Variants in MYO16 observed in about 807,000 individuals in gnomAD.
MYO16 encodes the protein myosin XVI, also known as unconventional myosin-XVI.
A neutral mutation model predicts 205.3 loss-of-function variants in MYO16; 94 were observed. The ratio of observed to expected loss-of-function variants is 0.46; its 90% CI spans 0.39 to 0.54. MYO16 has a LOEUF of 0.54. Among genes scored for constraint, MYO16 ranks in the 20% least tolerant of loss-of-function variants. The pLI, the probability that MYO16 is intolerant of heterozygous loss-of-function variation, is 0.00. For missense variants in MYO16, 2,315 were observed against 2,387.5 expected (o/e 0.97, Z 0.63); for synonymous variants, 988 against 954.0 (o/e 1.04, Z -0.66).
intron 20 of MYO16, among the ~76,000 whole-genome samples, chr13:108,974,801 G>A (rs1022446014): frequency 4.6e-5 from 7 of 152,134 alleles, no homozygotes; most frequent in African/African-American, 1.4e-4. Context: ...CTCTAAGAGA[G>A]TATTTCTCAA....
chr13:109,121,325 G>A (rs1387521959), intron 29 of MYO16, among the ~76,000 whole-genome samples: 2 of 152,152 alleles, frequency 1.3e-5, no homozygotes, highest in Non-Finnish European at 2.9e-5. Context: ...TTCTGATGAA[G>A]GTAAAAAGTC....
intron 27 of MYO16, among the ~76,000 whole-genome samples, chr13:109,093,066 G>A (rs944633545): frequency 1.3e-5 from 2 of 152,126 alleles, no homozygotes; most frequent in East Asian, 1.9e-4. Context: ...GTATGGAAGC[G>A]TGTTTTTATG....
chr13:108,843,094 G>C (rs1877331695), intron 9 of MYO16, among the ~76,000 whole-genome samples: 1 of 151,750 alleles, frequency 6.6e-6, no homozygotes, highest in Non-Finnish European at 1.5e-5. Context: ...CCAGTTATTG[G>C]AGAGTGGGAG....
chr13:108,796,390 C>T (rs1886789545), intron 6 of MYO16, among the ~76,000 whole-genome samples: 1 of 152,074 alleles, frequency 6.6e-6, no homozygotes, highest in Admixed American at 6.6e-5. Flanking sequence ...CTAGAAATAC[C>T]ATTTGACCCA....
Position 108,793,528 on chromosome 13 carries a change from C to T in MYO16, c.629C>T (p.Thr210Ile). The T allele has an allele frequency of 6.2e-7, 1 of 1,613,750 alleles. No homozygotes were observed. The highest frequency in any genetic ancestry group is 1.1e-5 in the South Asian group (1 of 91,054). The change falls in exon 6 of 35, where the codon ACC becomes ATC. Residue 210 changes from threonine to isoleucine, a missense_variant. By Grantham distance (89) the Thr-to-Ile change is moderately conservative. Around this residue, in one of 3 missense-constraint regions of MYO16, gnomAD observed 1,213 missense variants for 1,274.4 expected, o/e 0.95. Coordinates refer to ENST00000457511, the MANE Select transcript of MYO16 (RefSeq NM_001198950.3). ...TYLDENGVDL[T>I]SLRQMKLQRP... ...TTTCTCCCCACAGGAGTGGATTTGA[C>T]CTCACTGCGCCAGATGAAGCTTCAG...
the MYO16 span, among the ~76,000 whole-genome samples, chr13:108,544,489 G>A: frequency 1.3e-5 from 2 of 152,064 alleles, no homozygotes; most frequent in Non-Finnish European, 2.9e-5. Context: ...TGGAAGTGGG[G>A]TATTCATCCC....
chr13:108,619,887 A>G (rs970070185), intron 1 of MYO16, among the ~76,000 whole-genome samples: 2 of 152,138 alleles, frequency 1.3e-5, no homozygotes, highest in Admixed American at 6.6e-5. Flanking sequence ...AAAATGTGAC[A>G]GACAGAAGAA....
chr13:109,122,860 T>C (rs1876058245), intron 29 of MYO16, among the ~76,000 whole-genome samples: 1 of 152,182 alleles, frequency 6.6e-6, no homozygotes, highest in Non-Finnish European at 1.5e-5. Context: ...CTCAATGCTT[T>C]TTGCTAATAT....
At chr13:108,900,440 C>T (rs575584074) in intron 15 of MYO16, among the ~76,000 whole-genome samples, 6 of 152,096 alleles carry the variant, frequency 3.9e-5, no homozygotes, top group Non-Finnish European at 7.4e-5. Context: ...GGACCCCGAA[C>T]GGAGGGACCA....
the MYO16 span, among the ~76,000 whole-genome samples, chr13:108,538,028 C>CTG: frequency 8.6e-5 from 13 of 151,994 alleles, no homozygotes; most frequent in Admixed American, 6.6e-4. Flanking sequence ...GCCCATTTGT[C>CTG]TATTTTTGTT....
chr13:108,755,570 A>C (rs914976044), intron 4 of MYO16, among the ~76,000 whole-genome samples: 8 of 150,716 alleles, frequency 5.3e-5, no homozygotes, highest in East Asian at 1.9e-4. Flanking sequence ...AAAAAAATCA[A>C]AGGCATAGAT....
chr13:108,793,655 T>A lies in MYO16; in HGVS notation c.741+15T>A. On this transcript the variant is annotated intron_variant, in intron 6 of 34. Coordinates refer to ENST00000457511, the MANE Select transcript of MYO16 (RefSeq NM_001198950.3). ...GAGTAACCCTGGTAAGTTCATATAT[T>A]TGACTCAGAAACTATTTGAATAGAG... The A allele has an allele frequency of 6.2e-7, 1 of 1,607,732 alleles. No individual in the cohort carries two copies. Among genetic ancestry groups the A allele is most frequent in the Non-Finnish European group, 8.5e-7 (1 of 1,175,930 alleles).
upstream of MYO16, among the ~76,000 whole-genome samples, chr13:108,624,606 GTTCGGA>G (rs1385302524): frequency 6.6e-6 from 1 of 152,194 alleles, no homozygotes; most frequent in Non-Finnish European, 1.5e-5. Context: ...CAAAGTGGTT[GTTCGGA>G]TTCAAGTGAA....
intron 1 of MYO16, among the ~76,000 whole-genome samples, chr13:108,632,002 C>T (rs761809219): frequency 1.2e-4 from 17 of 144,682 alleles, no homozygotes; most frequent in African/African-American, 2.3e-4. Flanking sequence ...TGCTTGAACC[C>T]GGGAGGCGGA....
chr13:109,156,770 G>A (rs1000095624), intron 32 of MYO16, among the ~76,000 whole-genome samples: 1 of 151,906 alleles, frequency 6.6e-6, no homozygotes, highest in Non-Finnish European at 1.5e-5. Flanking sequence ...CCTCCTGCAA[G>A]CCCACATCTG....
chr13:108,979,824 A>G (rs1466286008), intron 20 of MYO16, among the ~76,000 whole-genome samples: 1 of 152,174 alleles, frequency 6.6e-6, no homozygotes, highest in Non-Finnish European at 1.5e-5. Context: ...TTGGGGTTTT[A>G]CCAAAGTATC....
chr13:109,071,158 C>T (rs1231457865), intron 27 of MYO16, among the ~76,000 whole-genome samples: 1 of 151,946 alleles, frequency 6.6e-6, no homozygotes, highest in Non-Finnish European at 1.5e-5. Context: ...TTAAAAAACA[C>T]GTCATTTGCT....
At chr13:108,755,616 T>C (rs149419015) in intron 4 of MYO16, among the ~76,000 whole-genome samples, 16 of 152,104 alleles carry the variant, frequency 1.1e-4, no homozygotes, top group Non-Finnish European at 1.8e-4. Flanking sequence ...ATATTTATGA[T>C]TGGTGTTTCG....
intron 21 of MYO16, among the ~76,000 whole-genome samples, chr13:109,008,158 G>C (rs1885461439): frequency 6.6e-6 from 1 of 152,190 alleles, no homozygotes. Flanking sequence ...CTAGACTTCA[G>C]TTGAAACTCT....
Sources: allele counts gnomAD v4.1 joint callset (sites outside exome capture counted in the v4.1 genomes callset), GRCh38; gene constraint gnomAD v4.1.1; regional missense constraint gnomAD v4.1.1; transcripts MANE v1.5; gene names NCBI Gene and HGNC (gene_info 2026-07-23, HGNC 2026-07-21).